Variants in CELSR1 observed in about 807,000 individuals in gnomAD.
The protein encoded by CELSR1 is cadherin EGF LAG seven-pass G-type receptor 1.
Under a neutral mutation model 249.1 loss-of-function variants are expected in CELSR1, and 110 were observed. That is an observed-to-expected ratio of 0.44 (90% CI 0.38 to 0.52). The LOEUF (loss-of-function observed/expected upper bound fraction) is 0.52. Among genes scored for constraint, CELSR1 ranks in the 20% least tolerant of loss-of-function variants. The pLI, the probability that CELSR1 is intolerant of heterozygous loss-of-function variation, is 0.00. For synonymous variants in CELSR1, 2,113 were observed against 1,900.0 expected, an observed-to-expected ratio of 1.11 and a Z score of -2.92; for missense variants, 4,109 against 4,296.4, an observed-to-expected ratio of 0.96 and a Z score of 1.22.
rs769981080 is a variant in CELSR1 at position 46,365,284 on chromosome 22, C to T, written c.8501G>A (p.Gly2834Glu). 2 of 1,612,746 alleles carry T rather than the reference C, an allele frequency of 1.2e-6. No individual in the cohort carries two copies. Among genetic ancestry groups the T allele is most frequent in the African/African-American group, 2.7e-5 (2 of 74,950 alleles). ...HSSDSEDDGV[G>E]AEEKWDPARG... ...GGCCGGGTCCCATTTTTCCTCAGCTCCCACCCCATCGTCCTCGCTGTCTGA... is the reference window on the plus strand; with the variant it reads ...GGCCGGGTCCCATTTTTCCTCAGCTTCCACCCCATCGTCCTCGCTGTCTGA... The change falls in exon 32 of 35, where the codon GGA becomes GAA. Residue 2834 changes from glycine (G) to glutamate (E), a missense_variant. Coordinates refer to ENST00000674500, the MANE Select transcript of CELSR1 (RefSeq NM_001378328.1).
chr22:46,400,360 G>T (rs2079198084), intron 9 of CELSR1, among the ~76,000 whole-genome samples: 1 of 150,260 alleles, frequency 6.7e-6, no homozygotes, highest in South Asian at 2.1e-4. Flanking sequence ...AAAGTTGGCT[G>T]GGAGCAGTGG....
At chr22:46,383,337 A>C (rs1171120810) in intron 20 of CELSR1, among the ~76,000 whole-genome samples, 1 of 152,210 alleles carries the variant, frequency 6.6e-6, no homozygotes, top group Non-Finnish European at 1.5e-5. Context: ...TATTTGGGGA[A>C]GGTTTTAGTA....
Position 46,428,769 on chromosome 22 carries a change from C to T in CELSR1, c.4611+4624G>A, listed in dbSNP as rs902043679. On this transcript the variant is annotated intron_variant, in intron 5 of 34. Transcript: ENST00000674500. This position sits in a 1 kb window ranked among gnomAD's most constrained non-coding sequence, Gnocchi z 5.7. Reference sequence around the variant, plus strand: ...CTCCCAGCAGCTCTGGGCCTCCTGGCGCTCCACCTCACTGCCTCACTGCAC... The same window carrying T: ...CTCCCAGCAGCTCTGGGCCTCCTGGTGCTCCACCTCACTGCCTCACTGCAC... Among the ~76,000 whole-genome samples the T allele has an allele frequency of 7.9e-5, 12 of 152,188 alleles. No homozygotes were observed. Among genetic ancestry groups the T allele is most frequent in the African/African-American group, 2.4e-4 (10 of 41,440 alleles).
At position 46,373,069 on chromosome 22, in the gene CELSR1, G is replaced by C. The variant is rs775118608; in HGVS notation, c.7585-12C>G. 1.3e-6 allele frequency: 2 copies of C among 1,582,664 alleles called. No individual in the cohort carries two copies. The highest frequency in any genetic ancestry group is 2.3e-5 in the East Asian group (1 of 44,144). On this transcript the variant is annotated splice_polypyrimidine_tract_variant and intron_variant, in intron 24 of 34. Transcript: ENST00000674500. Reference sequence around the variant, plus strand: ...ACTGTGCACAGAAACTGCGCAGGGAGGGGCCGCTCAGCAAGGGCCCCTGCA... The same window carrying C: ...ACTGTGCACAGAAACTGCGCAGGGACGGGCCGCTCAGCAAGGGCCCCTGCA...
chr22:46,370,553 C>T (rs2078841010), intron 25 of CELSR1, among the ~76,000 whole-genome samples: 1 of 152,212 alleles, frequency 6.6e-6, no homozygotes, highest in Non-Finnish European at 1.5e-5. Context: ...TCCGCCTGTC[C>T]ATGCAGAGCA....
Position 46,536,728 on chromosome 22 carries a change from G to T in CELSR1, c.443C>A (p.Ala148Glu). Residue 148 changes from alanine (A) to glutamate (E), a missense_variant, in exon 1 of 35, where the codon GCA (alanine) becomes GAA (glutamate). Ala to Glu is a moderately radical substitution (Grantham distance 107). Coordinates refer to ENST00000674500, the MANE Select transcript of CELSR1 (RefSeq NM_001378328.1). ...GCAGGCGGGTAAGGTGGTCGGAGCT[G>T]CGAGCGCCGAATGCTGCGCGGCCGC... The part of the protein sequence containing the change: ...GCAAAQHSAL[A>E]APTTLPACRC... 2 of 1,181,236 alleles carry T rather than the reference G, an allele frequency of 1.7e-6. No homozygotes were observed. Among genetic ancestry groups the T allele is most frequent in the Non-Finnish European group, 2.1e-6 (2 of 956,742 alleles). The allele number at this position is 1,181,236 out of a possible 1,614,324, so 73.2% of individuals were successfully genotyped here.
Position 46,536,321 on chromosome 22 carries a change from T to G in CELSR1, c.850A>C (p.Met284Leu), listed in dbSNP as rs765841329. Residue 284 changes from methionine to leucine, a missense_variant, in exon 1 of 35, where the codon ATG becomes CTG. Met to Leu is a conservative substitution (Grantham distance 15). This residue lies in a region of CELSR1 where 673 missense variants were observed against 636.8 expected (regional missense o/e 1.06). Transcript: ENST00000674500. Reference protein sequence around the residue: ...EGEEERVSYYMEGLFDERSRG... With the variant: ...EGEEERVSYYLEGLFDERSRG... ...GAGCGCTCGTCGAACAGCCCCTCCA[T>G]GTAATAGCTCACGCGCTCCTCCTCG... The G allele has an allele frequency of 6.2e-7, 1 of 1,612,626 alleles. No individual in the cohort carries two copies. Among genetic ancestry groups the G allele is most frequent in the African/African-American group, 1.3e-5 (1 of 74,938 alleles).
At position 46,429,792 on chromosome 22, in the gene CELSR1, C is replaced by A. The variant is rs1294464873; in HGVS notation, c.4611+3601G>T. 1.3e-5 allele frequency among the ~76,000 whole-genome samples: 2 copies of A among 152,196 alleles called. No homozygotes were observed. The highest frequency in any genetic ancestry group is 2.4e-5 in the African/African-American group (1 of 41,456). The stretch of plus-strand genomic sequence containing the variant: ...CGCAGCCCTCTCCTGTGGCTTCTGA[C>A]CATGACCCCTTCTTTCTGGGCTCCA... On this transcript the variant is annotated intron_variant, in intron 5 of 34. Coordinates refer to ENST00000674500, the MANE Select transcript of CELSR1 (RefSeq NM_001378328.1). The surrounding 1 kb of genome is among the most constrained non-coding windows in gnomAD (Gnocchi z 4.1).
At chr22:46,508,012 G>A (rs895077287) in intron 1 of CELSR1, among the ~76,000 whole-genome samples, 2 of 152,172 alleles carry the variant, frequency 1.3e-5, no homozygotes, top group Non-Finnish European at 2.9e-5. Flanking sequence ...GCTTGGTCCC[G>A]CCGGGATAGC....
intron 14 of CELSR1, among the ~76,000 whole-genome samples, chr22:46,392,069 A>T (rs1001091595): frequency 1.3e-5 from 2 of 152,238 alleles, no homozygotes; most frequent in African/African-American, 4.8e-5. Flanking sequence ...AACAAGTCTC[A>T]ACAGTGGGCA....
At chr22:46,462,798 G>A (rs2080046637) in intron 2 of CELSR1, 4 of 373,162 alleles carry the variant, frequency 1.1e-5, no homozygotes, top group South Asian at 8.2e-5. Flanking sequence ...CCGCTCTCGG[G>A]GTGGCTCTTT....
chr22:46,378,164 T>C (rs1336232142), intron 23 of CELSR1, among the ~76,000 whole-genome samples: 1 of 152,234 alleles, frequency 6.6e-6, no homozygotes, highest in African/African-American at 2.4e-5. Context: ...GCCCTGCGTG[T>C]GGCCCCGAGG....
chr22:46,400,099 G>T (rs2079195274), intron 9 of CELSR1, among the ~76,000 whole-genome samples, 197 bp from the exon 10 acceptor site: 1 of 152,206 alleles, frequency 6.6e-6, no homozygotes, highest in Admixed American at 6.5e-5. Context: ...GGAGGCTGAG[G>T]TGGGTGGATC....
chr22:46,445,653 C>A lies in CELSR1; in HGVS notation c.4184-6242G>T, dbSNP rs1440686189. On this transcript the variant is annotated intron_variant, in intron 2 of 34. Coordinates refer to ENST00000674500, the MANE Select transcript of CELSR1 (RefSeq NM_001378328.1). The surrounding 1 kb of genome is among the most constrained non-coding windows in gnomAD (Gnocchi z 4.4). ...GTGTGGACAAGGATTTTGGGAGCCACTGCTGAATTCACTACAGTGGCCCTC... is the reference window on the plus strand; with the variant it reads ...GTGTGGACAAGGATTTTGGGAGCCAATGCTGAATTCACTACAGTGGCCCTC... 6.6e-6 allele frequency among the ~76,000 whole-genome samples: 1 copy of A among 152,230 alleles called. No individual in the cohort carries two copies. The highest frequency in any genetic ancestry group is 2.4e-5 in the African/African-American group (1 of 41,468).
chr22:46,363,212 T>C lies in CELSR1; in HGVS notation c.*11A>G, dbSNP rs1268215439. On this transcript the variant is annotated 3_prime_UTR_variant, in exon 35 of 35. Coordinates refer to ENST00000674500, the MANE Select transcript of CELSR1 (RefSeq NM_001378328.1). This position sits in a 1 kb window ranked among gnomAD's most constrained non-coding sequence, Gnocchi z 4.3. ...CCTGATGGTTCAAATTGAAGTTTCATTACTGATGGTTCAAATTGAAGTTTC... is the reference window on the plus strand; with the variant it reads ...CCTGATGGTTCAAATTGAAGTTTCACTACTGATGGTTCAAATTGAAGTTTC... 2 of 1,579,088 alleles carry C rather than the reference T, an allele frequency of 1.3e-6. No homozygotes were observed. The highest frequency in any genetic ancestry group is 1.7e-6 in the Non-Finnish European group (2 of 1,177,496).
At position 46,409,309 on chromosome 22, in the gene CELSR1, C is replaced by G. The variant is rs1381138810; in HGVS notation, c.5060-147G>C. The G allele has an allele frequency of 2.6e-6, 2 of 764,644 alleles. No individual in the cohort carries two copies. The highest frequency in any genetic ancestry group is 4.1e-6 in the Non-Finnish European group (2 of 493,484). The allele number at this position is 764,644 out of a possible 1,614,324, so 47.4% of individuals were successfully genotyped here. On this transcript the variant is annotated intron_variant, in intron 8 of 34. Transcript: ENST00000674500. The surrounding 1 kb of genome is among the most constrained non-coding windows in gnomAD (Gnocchi z 9.8). ...GTGGGTCTGAGCCTCCCCTCTGTGA[C>G]GCATCCAGCCCTCACAGTCAGCCAC...
At chr22:46,501,428 A>T (rs888381650) in intron 1 of CELSR1, among the ~76,000 whole-genome samples, 1 of 152,018 alleles carries the variant, frequency 6.6e-6, no homozygotes, top group Non-Finnish European at 1.5e-5. Flanking sequence ...CTGGTCTCAA[A>T]TTCCTGACCT....
In CELSR1 at chr22:46,365,376, G is replaced by A. The variant is rs147285055; in HGVS notation, c.8409C>T (p.His2803=). Residue 2803 remains histidine, a synonymous_variant, in exon 32 of 35, where the codon CAC becomes CAT. Transcript: ENST00000674500. Reference sequence around the variant, plus strand: ...ACAGCTCGCTATCTGAGTCGGAATCGTGGCCTGTGGATGCGCGGGGGACAG... The same window carrying A: ...ACAGCTCGCTATCTGAGTCGGAATCATGGCCTGTGGATGCGCGGGGGACAG... ...MPRSCKDPPG[H]DSDSDSELSL... 4.7e-5 allele frequency: 75 copies of A among 1,612,500 alleles called. No individual in the cohort carries two copies. The highest frequency in any genetic ancestry group is 6.7e-5 in the African/African-American group (5 of 74,940).
chr22:46,462,536 G>A (rs946019816), intron 2 of CELSR1, among the ~76,000 whole-genome samples: 3 of 151,860 alleles, frequency 2.0e-5, no homozygotes, highest in Admixed American at 6.6e-5. Context: ...AGCAGCTAAC[G>A]ATTGCTCAGG....
Sources: allele counts gnomAD v4.1 joint callset (sites outside exome capture counted in the v4.1 genomes callset), GRCh38; gene constraint gnomAD v4.1.1; regional missense constraint gnomAD v4.1.1; non-coding constraint Gnocchi (gnomAD v3.1); transcripts MANE v1.5; gene names NCBI Gene and HGNC (gene_info 2026-07-23, HGNC 2026-07-21).